CDH12: variants seen among roughly 807,000 people sequenced by gnomAD.
CDH12 encodes cadherin 12.
CDH12 carries 41 observed loss-of-function variants against 74.1 expected under a neutral mutation model. The observed-to-expected ratio is 0.55, with a 90% confidence interval of 0.43 to 0.72. The LOEUF is 0.72. CDH12 is among the 30% of genes least tolerant of loss of function. CDH12 has a pLI of 0.00. For synonymous variants in CDH12, 399 were observed against 355.0 expected, an observed-to-expected ratio of 1.12 and a Z score of -1.39; for missense variants, 945 against 977.2, an observed-to-expected ratio of 0.97 and a Z score of 0.44.
At chr5:21,844,035 C>G (rs1013210905) in intron 7 of CDH12, among the ~76,000 whole-genome samples, 1 of 152,068 alleles carries the variant, frequency 6.6e-6, no homozygotes, top group Non-Finnish European at 1.5e-5. Context: ...ATCCAACAGT[C>G]TATTTCTATA....
Position 22,558,785 on chromosome 5 carries a change from GT to G in CDH12, c.-522-53422del, listed in dbSNP as rs1738916164. 2.6e-5 allele frequency among the ~76,000 whole-genome samples: 4 copies of G among 152,104 alleles called. No individual in the cohort carries two copies. The South Asian group carries it at 6.2e-4, about 24-fold the overall frequency. ...CAAAGGTGTAAATAAGAGAAACATG[GT>G]AAGCTGAAGGATGCTTCCCTTATTT... On this transcript the variant is annotated intron_variant, in intron 1 of 14. Transcript: ENST00000382254.
chr5:22,516,878 C>T (rs942936375), intron 1 of CDH12, among the ~76,000 whole-genome samples: 1 of 151,732 alleles, frequency 6.6e-6, no homozygotes, highest in Non-Finnish European at 1.5e-5. Context: ...TATATTAATA[C>T]AGAAATGAAA....
At position 21,927,949 on chromosome 5, in the gene CDH12, G is replaced by A. The variant is rs972273714; in HGVS notation, c.526+47142C>T. On this transcript the variant is annotated intron_variant, in intron 6 of 14. Coordinates refer to ENST00000382254, the MANE Select transcript of CDH12 (RefSeq NM_004061.5). ...TAGCTGGGCTTGGTAGCTGGCGCCTGCAGTCCCAGCTACTCAGGAGGCTGA... is the reference window on the plus strand; with the variant it reads ...TAGCTGGGCTTGGTAGCTGGCGCCTACAGTCCCAGCTACTCAGGAGGCTGA... Among the ~76,000 whole-genome samples, 4 of 151,976 alleles carry A rather than the reference G, an allele frequency of 2.6e-5. No homozygotes were observed. The South Asian group carries it at 6.2e-4, about 24-fold the overall frequency.
chr5:22,781,563 A>C (rs779409590), intron 1 of CDH12, among the ~76,000 whole-genome samples: 5 of 152,022 alleles, frequency 3.3e-5, no homozygotes, highest in Non-Finnish European at 7.4e-5. Context: ...TTTAGTTCCA[A>C]CCTAGAACTG....
intron 4 of CDH12, among the ~76,000 whole-genome samples, chr5:22,080,047 G>A (rs1742614693): frequency 6.6e-6 from 1 of 152,100 alleles, no homozygotes; most frequent in South Asian, 2.1e-4. Context: ...CTAGAACAAG[G>A]GTGATTTTAT....
rs769965228 is a variant in CDH12, at chr5:21,842,305, T to C, written c.670A>G (p.Asn224Asp). The C allele has an allele frequency of 1.9e-6, 3 of 1,611,414 alleles. No homozygotes were observed. The highest frequency in any genetic ancestry group is 3.4e-5 in the Admixed American group (2 of 59,580). ...KTGVIRTALP[N>D]MDREVKEQYQ... ...TGTTCTTTGACTTCTCTGTCCATGT[T>C]TGGCAAAGCTGTTCTAATAACACCT... is the stretch of plus-strand genomic sequence containing the variant. Residue 224 changes from asparagine to aspartate, a missense_variant, in exon 8 of 15, where the codon AAC (asparagine) becomes GAC (aspartate). By Grantham distance (23) the Asn-to-Asp change is conservative. This residue lies in a region of CDH12 where 791 missense variants were observed against 792.8 expected (regional missense o/e 1.00). Coordinates refer to ENST00000382254, the MANE Select transcript of CDH12 (RefSeq NM_004061.5).
intron 1 of CDH12, among the ~76,000 whole-genome samples, chr5:22,681,249 GTGTGTGTGTGTGTGTA>G (rs1399355931): frequency 6.6e-6 from 1 of 151,464 alleles, no homozygotes; most frequent in Non-Finnish European, 1.5e-5. Context: ...GTGTGTGTGT[GTGTGTGTGTGTGTGTA>G]TTAGATAAGT....
At chr5:22,826,432 C>T (rs1736325365) in intron 1 of CDH12, among the ~76,000 whole-genome samples, 1 of 151,996 alleles carries the variant, frequency 6.6e-6, no homozygotes, top group African/African-American at 2.4e-5. Context: ...AAATTGGTAC[C>T]AGTAGAGTAG....
intron 3 of CDH12, among the ~76,000 whole-genome samples, chr5:22,253,937 C>T (rs1252445220): frequency 6.6e-6 from 1 of 151,822 alleles, no homozygotes; most frequent in African/African-American, 2.4e-5. Context: ...GTGTATTGTG[C>T]ATTTACAGAT....
chr5:22,656,730 A>C (rs1459321141), intron 1 of CDH12, among the ~76,000 whole-genome samples: 1 of 152,250 alleles, frequency 6.6e-6, no homozygotes, highest in Non-Finnish European at 1.5e-5. Flanking sequence ...AAGACATATT[A>C]AAATGTCCAT....
intron 2 of CDH12, among the ~76,000 whole-genome samples, chr5:22,412,666 T>A (rs1743212247): frequency 2.0e-5 from 3 of 151,912 alleles, no homozygotes; most frequent in East Asian, 1.9e-4. Flanking sequence ...AAAAGTCATA[T>A]AATATAAAAA....
intron 1 of CDH12, among the ~76,000 whole-genome samples, chr5:22,627,281 G>A (rs1310407692): frequency 3.3e-5 from 5 of 151,980 alleles, no homozygotes; most frequent in South Asian, 2.1e-4. Context: ...CCCAAGACAC[G>A]TAGTCATCAG....
chr5:22,236,541 TG>T (rs1752566574), intron 3 of CDH12, among the ~76,000 whole-genome samples: 1 of 152,122 alleles, frequency 6.6e-6, no homozygotes, highest in Non-Finnish European at 1.5e-5. Flanking sequence ...AAGACCAGCC[TG>T]GCCAACATGG....
At chr5:21,916,178 A>C (rs1258372781) in intron 6 of CDH12, among the ~76,000 whole-genome samples, 3 of 152,192 alleles carry the variant, frequency 2.0e-5, no homozygotes, top group African/African-American at 7.2e-5. Context: ...TAATAATTAC[A>C]GCTATGTAAG....
chr5:22,751,304 A>G (rs1200900672), intron 1 of CDH12, among the ~76,000 whole-genome samples: 1 of 146,242 alleles, frequency 6.8e-6, no homozygotes, highest in African/African-American at 2.5e-5. Flanking sequence ...TATCAAAAAT[A>G]GAATTATTAA....
intron 1 of CDH12, among the ~76,000 whole-genome samples, chr5:22,783,184 A>G (rs1032902274): frequency 6.6e-6 from 1 of 152,148 alleles, no homozygotes; most frequent in African/African-American, 2.4e-5. Flanking sequence ...GATCTTTTTA[A>G]TGTTGTAACA....
chr5:21,802,374 G>A lies in CDH12; in HGVS notation c.1049C>T (p.Ala350Val). ...TKKAYTFKVE[A>V]SNLHLDHRFH... ...CCGGTGGTCAAGGTGAAGGTTGGAAGCCTCAACTTTGAAAGTGTATGCCTT... is the reference window on the plus strand; with the variant it reads ...CCGGTGGTCAAGGTGAAGGTTGGAAACCTCAACTTTGAAAGTGTATGCCTT... The change falls in exon 10 of 15, where the codon GCT becomes GTT. Residue 350 changes from alanine to valine, a missense_variant. Physicochemically the swap from Ala to Val is moderately conservative, Grantham distance 64 (BLOSUM62 0). Coordinates refer to ENST00000382254, the MANE Select transcript of CDH12 (RefSeq NM_004061.5). The A allele has an allele frequency of 6.2e-7, 1 of 1,613,764 alleles. No individual in the cohort carries two copies. Among genetic ancestry groups the A allele is most frequent in the Non-Finnish European group, 8.5e-7 (1 of 1,179,822 alleles).
intron 2 of CDH12, among the ~76,000 whole-genome samples, chr5:22,492,030 C>T (rs1285865268): frequency 6.6e-6 from 1 of 152,064 alleles, no homozygotes; most frequent in Non-Finnish European, 1.5e-5. Flanking sequence ...TTTCCAGTGA[C>T]ATTCTGAGGT....
chr5:21,815,454 T>A (rs1036200397), intron 9 of CDH12, among the ~76,000 whole-genome samples: 2 of 152,174 alleles, frequency 1.3e-5, no homozygotes, highest in Non-Finnish European at 1.5e-5. Flanking sequence ...CATTATAATT[T>A]TTCTTTCTCA....
Sources: allele counts gnomAD v4.1 joint callset (sites outside exome capture counted in the v4.1 genomes callset), GRCh38; gene constraint gnomAD v4.1.1; regional missense constraint gnomAD v4.1.1; transcripts MANE v1.5; gene names NCBI Gene and HGNC (gene_info 2026-07-23, HGNC 2026-07-21).